The following TTC6 variants were observed in gnomAD, a reference collection of about 807,000 sequenced individuals.
TTC6 encodes the protein tetratricopeptide repeat protein 6.
TTC6 carries 172 observed loss-of-function variants against 210.4 expected under a neutral mutation model. The ratio of observed to expected loss-of-function variants is 0.82; its 90% confidence interval spans 0.72 to 0.93. TTC6 has a LOEUF of 0.93. Among genes scored for constraint, TTC6 ranks in the 40% least tolerant of loss-of-function variants. The pLI is 0.00. For missense variants in TTC6, 2,414 were observed against 2,318.1 expected (o/e 1.04, Z -0.85); for synonymous variants, 804 against 819.6 (o/e 0.98, Z 0.32).
chr14:37,795,404 TTGAA>T, intron 18 of TTC6, 52 bp downstream of exon 20: 1 of 1,236,986 alleles, frequency 8.1e-7, no homozygotes, highest in Non-Finnish European at 1.1e-6. Context: ...ATCAGAGAAA[TTGAA>T]TGGGGATCTT....
chr14:37,725,489 T>A lies in TTC6; in HGVS notation c.1818+487T>A, dbSNP rs550012965. ...CCTCAGCCTCCTGAGTAGCTAGGAT[T>A]ACAGGCATGTGCCACCACACCTGGC... On this transcript the variant is annotated intron_variant, in intron 7 of 30. Transcript: ENST00000553443. Among the ~76,000 whole-genome samples the A allele has an allele frequency of 6.0e-5, 9 of 151,260 alleles. No individual in the cohort carries two copies. In the South Asian group the frequency reaches 1.9e-3, roughly 32 times the overall value.
intron 1 of TTC6, among the ~76,000 whole-genome samples, chr14:37,672,821 ATTTTTTT>A (rs377117749): frequency 1.6e-5 from 2 of 129,022 alleles, no homozygotes; most frequent in African/African-American, 6.2e-5. Context: ...TGAATTCCTC[ATTTTTTT>A]TTTTTTTTTT....
chr14:37,800,996 C>T (rs1308042303), intron 20 of TTC6, among the ~76,000 whole-genome samples: 4 of 152,132 alleles, frequency 2.6e-5, no homozygotes. Context: ...ACACTAAGTG[C>T]CATAAATGTT....
At position 37,776,970 on chromosome 14, in the gene TTC6, A is replaced by G. The variant is rs141350105; in HGVS notation, c.3267-10498A>G. On this transcript the variant is annotated intron_variant, in intron 14 of 30. Coordinates refer to ENST00000553443, the Ensembl canonical transcript of TTC6. Reference sequence around the variant, plus strand: ...GGTTTCTGCTAAAAGGTCTGCTGTTAGCCTAATGAGGTTCCCTTTGTAGGT... The same window carrying G: ...GGTTTCTGCTAAAAGGTCTGCTGTTGGCCTAATGAGGTTCCCTTTGTAGGT... 7.9e-4 allele frequency among the ~76,000 whole-genome samples: 120 copies of G among 152,282 alleles called. 1 individual carries two copies. Among genetic ancestry groups the G allele is most frequent in the African/African-American group, 2.8e-3 (115 of 41,562 alleles).
At chr14:37,743,134 A>T (rs562657839) in intron 10 of TTC6, among the ~76,000 whole-genome samples, 1 of 152,348 alleles carries the variant, frequency 6.6e-6, no homozygotes, top group Non-Finnish European at 1.5e-5. Context: ...GATAGCTAGC[A>T]GGTTAATTTA....
In TTC6 at chr14:37,808,861, T is replaced by TG; in HGVS notation, c.4569+15_4569+16insG. ...AACTTCAAATGGTAAGATGACCATT[T>TG]TAGTAAACAATGTGTTTAAAGTGTT... On this transcript the variant is annotated intron_variant, in intron 24 of 30. Transcript: ENST00000553443. 1 of 1,311,598 alleles carries TG rather than the reference T, an allele frequency of 7.6e-7. No homozygotes were observed. Among genetic ancestry groups the TG allele is most frequent in the Non-Finnish European group, 1.1e-6 (1 of 931,898 alleles). The allele number at this position is 1,311,598 out of a possible 1,614,324, so 81.2% of individuals were successfully genotyped here.
chr14:37,765,312 A>G (rs987087681), intron 14 of TTC6, among the ~76,000 whole-genome samples: 1 of 148,980 alleles, frequency 6.7e-6, no homozygotes, highest in Non-Finnish European at 1.5e-5. Flanking sequence ...ATAGGTGCAC[A>G]CCACCACACC....
At chr14:37,815,757 G>T (rs2096139945) in intron 25 of TTC6, among the ~76,000 whole-genome samples, 2 of 152,086 alleles carry the variant, frequency 1.3e-5, no homozygotes, top group Admixed American at 1.3e-4. Context: ...ATATTAGAGA[G>T]ATAATTAATG....
chr14:37,714,402 A>C (rs551137451), intron 5 of TTC6, among the ~76,000 whole-genome samples: 1 of 152,136 alleles, frequency 6.6e-6, no homozygotes, highest in Admixed American at 6.6e-5. Flanking sequence ...AGACTTTCAT[A>C]GGGTGAATTT....
At chr14:37,809,293 C>T (rs1424474518) in intron 24 of TTC6, among the ~76,000 whole-genome samples, 1 of 143,060 alleles carries the variant, frequency 7.0e-6, no homozygotes, top group African/African-American at 2.6e-5. Flanking sequence ...CACTCTGTTG[C>T]CCAGGCTGGA....
chr14:37,603,286 T>A (rs1257823931), intron 1 of TTC6, among the ~76,000 whole-genome samples: 2 of 152,316 alleles, frequency 1.3e-5, no homozygotes, highest in East Asian at 3.9e-4. Flanking sequence ...AGCCTGGACC[T>A]GATGCCCGGA....
intron 1 of TTC6, among the ~76,000 whole-genome samples, chr14:37,599,991 C>G (rs75296259): frequency 0.06 from 9,210 of 152,280 alleles, 406 homozygotes; most frequent in Non-Finnish European, 0.091. Context: ...GATCCCCCTC[C>G]TGGGGAGCGC....
Position 37,806,571 on chromosome 14 carries a change from C to T in TTC6, c.4314+61C>T, listed in dbSNP as rs926957894. ...GTTAAGTTTGGTAAAACTATTAAATCTTTTATGTGCCATTGTTATTAATTA... is the reference window on the plus strand; with the variant it reads ...GTTAAGTTTGGTAAAACTATTAAATTTTTTATGTGCCATTGTTATTAATTA... On this transcript the variant is annotated intron_variant, in intron 22 of 30. Coordinates refer to ENST00000553443, the Ensembl canonical transcript of TTC6. 1.1e-5 allele frequency: 15 copies of T among 1,405,024 alleles called. 1 individual carries two copies. The Admixed American group carries it at 3.9e-4, about 36-fold the overall frequency. 87.0% of individuals were successfully genotyped at this position (1,405,024 alleles called of 1,614,324 possible).
intron 24 of TTC6, among the ~76,000 whole-genome samples, chr14:37,809,816 C>T (rs2096126147): frequency 6.6e-6 from 1 of 152,132 alleles, no homozygotes; most frequent in Admixed American, 6.5e-5. Context: ...TCGGTTTGGT[C>T]CCTTTTCAAT....
intron 3 of TTC6, among the ~76,000 whole-genome samples, chr14:37,696,233 C>G (rs1287711678): frequency 6.6e-6 from 1 of 152,014 alleles, no homozygotes; most frequent in African/African-American, 2.4e-5. Flanking sequence ...TAAATCTAAT[C>G]TCAAAAAAAT....
At chr14:37,820,890 C>T (rs1267719266) in intron 26 of TTC6, among the ~76,000 whole-genome samples, 95 of 150,590 alleles carry the variant, frequency 6.3e-4, no homozygotes, top group East Asian at 9.7e-4. Context: ...TCCTCCTTCT[C>T]CTCCTTCTCC....
At chr14:37,832,625 A>G (rs543231384) in intron 29 of TTC6, among the ~76,000 whole-genome samples, 4 of 151,932 alleles carry the variant, frequency 2.6e-5, no homozygotes, top group Admixed American at 1.3e-4. Context: ...TTAATTTCCA[A>G]AGCTTCTCTT....
At chr14:37,790,432 C>T (rs1439032025) in intron 15 of TTC6, among the ~76,000 whole-genome samples, 2 of 152,156 alleles carry the variant, frequency 1.3e-5, no homozygotes, top group Non-Finnish European at 2.9e-5. Flanking sequence ...GGACTTTAAT[C>T]TCCTCACCTA....
rs536328536 is a variant in TTC6 at position 37,684,212 on chromosome 14, C to T, written c.1257+1248C>T. Among the ~76,000 whole-genome samples the T allele has an allele frequency of 2.6e-5, 4 of 152,286 alleles. No individual in the cohort carries two copies. The East Asian group carries it at 7.7e-4, about 29-fold the overall frequency. On this transcript the variant is annotated intron_variant, in intron 3 of 30. Coordinates refer to ENST00000553443, the Ensembl canonical transcript of TTC6. ...TTTTTCTTCTCTTTTCTAGTTACCC[C>T]ATCCTAGTCTGGGTCCTGGTGACCT... is the stretch of plus-strand genomic sequence containing the variant.
Sources: gnomAD v4.1 joint callset for allele counts (sites outside exome capture counted in the v4.1 genomes callset) on GRCh38, gnomAD v4.1.1 for gene constraint, MANE v1.5 for transcripts, NCBI Gene and HGNC (gene_info 2026-07-23, HGNC 2026-07-21) for gene names.